The following CREB1 variants were observed in gnomAD, a reference collection of about 807,000 sequenced individuals.
CREB1 encodes cAMP responsive element binding protein 1.
In CREB1, 2 loss-of-function variants were observed where a neutral mutation model predicts 42.0. That is an observed-to-expected ratio of 0.05 (90% CI 0.02 to 0.15). The LOEUF is 0.15. Among genes scored for constraint, CREB1 ranks in the 10% least tolerant of loss-of-function variants. The probability of loss-of-function intolerance (pLI) is 1.00; values close to 1 mark genes in which losing one functional copy is unlikely to be tolerated. For synonymous variants in CREB1, 123 were observed against 139.9 expected, an observed-to-expected ratio of 0.88 and a Z score of 0.85; for missense variants, 199 against 388.9, an observed-to-expected ratio of 0.51 and a Z score of 4.11.
chr2:207,565,505 T>C (rs539803194), intron 3 of CREB1, among the ~76,000 whole-genome samples: 21 of 151,740 alleles, frequency 1.4e-4, no homozygotes, highest in African/African-American at 5.1e-4. Context: ...TTTTTTTTCA[T>C]TAAGGGCCAT....
rs748223535 is a variant in CREB1 at position 207,599,883 on chromosome 2, T to C, written c.*2825T>C. Reference sequence around the variant, plus strand: ...ATAAAAATGTCATCATAGGAATTTGTACATATGCTACTGATTTGCCTAGAA... The same window carrying C: ...ATAAAAATGTCATCATAGGAATTTGCACATATGCTACTGATTTGCCTAGAA... On this transcript the variant is annotated 3_prime_UTR_variant, in exon 8 of 8. Coordinates refer to ENST00000353267, the MANE Select transcript of CREB1 (RefSeq NM_004379.5). 1.5e-5 allele frequency: 3 copies of C among 195,754 alleles called. No homozygotes were observed. The highest frequency in any genetic ancestry group is 6.9e-5 in the African/African-American group (3 of 43,262). 12.1% of individuals were successfully genotyped at this position (195,754 alleles called of 1,614,324 possible). A position where few individuals can be genotyped will look rare whatever the true frequency, so the allele number is the denominator to read the frequency against.
chr2:207,540,844 T>TA (rs1397109892), intron 1 of CREB1, among the ~76,000 whole-genome samples: 1 of 152,096 alleles, frequency 6.6e-6, no homozygotes, highest in Non-Finnish European at 1.5e-5. Context: ...GTTGACAAGT[T>TA]AAAAAAACTA....
intron 6 of CREB1, chr2:207,577,189 A>T (rs2082629866): frequency 3.2e-5 from 35 of 1,091,786 alleles, no homozygotes; most frequent in Non-Finnish European, 3.8e-5. Flanking sequence ...TAGGAAGATC[A>T]TCCAAGCTGT....
At chr2:207,584,361 G>T (rs1391204577) in intron 7 of CREB1, among the ~76,000 whole-genome samples, 2 of 151,806 alleles carry the variant, frequency 1.3e-5, no homozygotes, top group East Asian at 1.9e-4. Context: ...TCTAGAACTG[G>T]TATAATGGAT....
rs2081232723 is a variant in CREB1, at chr2:207,544,723, A to G, written c.-8-10905A>G. ...GATGCTCTTCCTCCTCCCACCCCCA[A>G]CCCTCTGACAGGCCCCAGTGTGTGT... On this transcript the variant is annotated intron_variant, in intron 1 of 7. Coordinates refer to ENST00000353267, the MANE Select transcript of CREB1 (RefSeq NM_004379.5). 2.6e-5 allele frequency among the ~76,000 whole-genome samples: 4 copies of G among 151,554 alleles called. No homozygotes were observed. The South Asian group carries it at 8.4e-4, about 32-fold the overall frequency.
chr2:207,565,882 T>C (rs953438644), intron 3 of CREB1, among the ~76,000 whole-genome samples: 2 of 152,234 alleles, frequency 1.3e-5, no homozygotes, highest in African/African-American at 4.8e-5. Flanking sequence ...ATCTTCTGTA[T>C]GTGAGAAAGT....
chr2:207,597,066 T>C lies in CREB1; in HGVS notation c.*8T>C. Reference sequence around the variant, plus strand: ...TGCCACAAATCAGATTAATTTGGGATTTAAATTTTCACCTGTTAAGGTGGA... The same window carrying C: ...TGCCACAAATCAGATTAATTTGGGACTTAAATTTTCACCTGTTAAGGTGGA... On this transcript the variant is annotated 3_prime_UTR_variant, in exon 8 of 8. Transcript: ENST00000353267. The C allele has an allele frequency of 6.3e-7, 1 of 1,587,388 alleles. No individual in the cohort carries two copies. Among genetic ancestry groups the C allele is most frequent in the Non-Finnish European group, 8.5e-7 (1 of 1,171,704 alleles).
At chr2:207,553,651 TA>T (rs1476230223) in intron 1 of CREB1, among the ~76,000 whole-genome samples, 8 of 152,202 alleles carry the variant, frequency 5.3e-5, no homozygotes, top group Non-Finnish European at 1.2e-4. Context: ...GATTAAAGTA[TA>T]GTTTTGGCTT....
At chr2:207,578,062 T>C (rs1342856750) in intron 7 of CREB1, 3 of 175,160 alleles carry the variant, frequency 1.7e-5, no homozygotes, top group African/African-American at 7.2e-5. Flanking sequence ...TGATATAAAG[T>C]AAATGTATGG....
chr2:207,551,304 A>C (rs2081493963), intron 1 of CREB1, among the ~76,000 whole-genome samples: 1 of 152,206 alleles, frequency 6.6e-6, no homozygotes, highest in Admixed American at 6.5e-5. Flanking sequence ...GGGGTGTGAA[A>C]GTGTTACAGC....
At chr2:207,563,049 G>A (rs2082012525) in intron 3 of CREB1, among the ~76,000 whole-genome samples, 2 of 152,156 alleles carry the variant, frequency 1.3e-5, no homozygotes, top group South Asian at 4.1e-4. Context: ...GATGAATAAA[G>A]CCAGGGGAAA....
At chr2:207,567,387 CTT>C (rs1421902863) in intron 3 of CREB1, 74 bp from the exon 4 acceptor site, 2 of 1,033,912 alleles carry the variant, frequency 1.9e-6, no homozygotes, top group African/African-American at 1.7e-5. Flanking sequence ...TTATATATGA[CTT>C]TTTATATTTG....
chr2:207,548,578 C>G (rs9677382), intron 1 of CREB1, among the ~76,000 whole-genome samples: 2 of 150,608 alleles, frequency 1.3e-5, no homozygotes, highest in African/African-American at 4.8e-5. Context: ...TGGTGAAACC[C>G]TGTCTCTACT....
chr2:207,545,581 T>G (rs1287344626), intron 1 of CREB1, among the ~76,000 whole-genome samples: 1 of 152,172 alleles, frequency 6.6e-6, no homozygotes, highest in Non-Finnish European at 1.5e-5. Context: ...GTAGTAATTT[T>G]CAGTTCTGCT....
rs1206716731 is a variant in CREB1 at position 207,603,590 on chromosome 2, C to T, written c.*6532C>T. Among the ~76,000 whole-genome samples the T allele has an allele frequency of 6.6e-6, 1 of 152,148 alleles. No individual in the cohort carries two copies. The highest frequency in any genetic ancestry group is 1.5e-5 in the Non-Finnish European group (1 of 68,028). ...TCAGACAACAACATGTCTTCAGTTA[C>T]TGGATCCCTAATTTTCAGGACAAAA... is the stretch of plus-strand genomic sequence containing the variant. On this transcript the variant is annotated 3_prime_UTR_variant, in exon 8 of 8. Transcript: ENST00000353267.
chr2:207,555,420 T>G (rs1393122744), intron 1 of CREB1, among the ~76,000 whole-genome samples: 1 of 152,242 alleles, frequency 6.6e-6, no homozygotes, highest in East Asian at 1.9e-4. Flanking sequence ...TGTTTTTTTC[T>G]TCTTTGAAGG....
chr2:207,559,823 G>A (rs12694087), intron 2 of CREB1, among the ~76,000 whole-genome samples: 4,246 of 152,214 alleles, frequency 0.028, 196 homozygotes, highest in African/African-American at 0.096. Context: ...GCAGTTATTT[G>A]TGTTTTTAAA....
intron 1 of CREB1, among the ~76,000 whole-genome samples, chr2:207,536,847 G>T (rs2080893490): frequency 1.3e-5 from 2 of 151,730 alleles, no homozygotes; most frequent in African/African-American, 2.4e-5. Context: ...AGAATTATCT[G>T]GGTATAGTTG....
intron 6 of CREB1, 70 bp downstream of exon 6, chr2:207,575,524 AAAGT>A (rs1175356251): frequency 1.0e-5 from 14 of 1,352,638 alleles, no homozygotes; most frequent in South Asian, 1.5e-5. Flanking sequence ...ACTCACAGAA[AAAGT>A]AAGTATCATA....
Sources: gnomAD v4.1 joint callset for allele counts (sites outside exome capture counted in the v4.1 genomes callset) on GRCh38, gnomAD v4.1.1 for gene constraint, MANE v1.5 for transcripts, NCBI Gene and HGNC (gene_info 2026-07-23, HGNC 2026-07-21) for gene names.